CREB3L3: variants seen among roughly 807,000 people sequenced by gnomAD.
CREB3L3 encodes cAMP responsive element binding protein 3 like 3, also known as cyclic AMP-responsive element-binding protein 3-like protein 3.
In CREB3L3, 40 loss-of-function variants were observed where a neutral mutation model predicts 44.6. That is an observed-to-expected ratio of 0.90 (90% CI 0.70 to 1.17). CREB3L3 has a LOEUF of 1.17. Among genes scored for constraint, CREB3L3 ranks in the 50% most tolerant of loss-of-function variants. CREB3L3 has a pLI of 0.00. For missense variants in CREB3L3, 578 were observed against 595.8 expected (o/e 0.97, Z 0.31); for synonymous variants, 273 against 256.3 (o/e 1.06, Z -0.62).
chr19:4,157,251 G>A lies in CREB3L3; in HGVS notation c.413G>A (p.Gly138Glu), dbSNP rs763580275. Residue 138 changes from glycine to glutamate, a missense_variant, in exon 3 of 10, where the codon GGG becomes GAG. Transcript: ENST00000078445. ...PGNSCSTTTP[G>E]PVIQVPEASV... ...AACTCTTGCTCCACCACAACCCCAG[G>A]GCCAGTGATCCAAGTACCTGAAGCC... is the stretch of plus-strand genomic sequence containing the variant. 2 of 1,614,100 alleles carry A rather than the reference G, an allele frequency of 1.2e-6. No individual in the cohort carries two copies. Among genetic ancestry groups the A allele is most frequent in the Non-Finnish European group, 1.7e-6 (2 of 1,180,020 alleles).
chr19:4,166,421 AT>A (rs35783380), intron 5 of CREB3L3, among the ~76,000 whole-genome samples: 39,711 of 103,580 alleles, frequency 0.38, 6,897 homozygotes, highest in East Asian at 0.64. Context: ...CGCCTGGCTA[AT>A]TTTTTTTTTT....
chr19:4,160,072 G>A (rs1286598272), intron 4 of CREB3L3, among the ~76,000 whole-genome samples: 3 of 152,078 alleles, frequency 2.0e-5, no homozygotes, highest in African/African-American at 7.2e-5. Context: ...AAGGCAGGCA[G>A]ATCGCTTGAG....
chr19:4,163,221 T>C (rs1405026161), intron 4 of CREB3L3, among the ~76,000 whole-genome samples: 1 of 151,296 alleles, frequency 6.6e-6, no homozygotes, highest in Non-Finnish European at 1.5e-5. Context: ...GGCAGGAGAA[T>C]GGCGTGAACC....
In CREB3L3 at chr19:4,168,417, A is replaced by C. The variant is rs199957162; in HGVS notation, c.781A>C (p.Arg261=). Residue 261 remains arginine (R), a synonymous_variant, in exon 6 of 10, where the codon AGG becomes CGG. Transcript: ENST00000078445. ...IRNKQSAQES[R]KKKKEYIDGL... is the part of the protein sequence containing the mutation. ...GAACAAGCAGTCGGCGCAAGAAAGC[A>C]GGAAGAAGAAGAAGGAATATATCGA... 1.4e-5 allele frequency: 22 copies of C among 1,611,276 alleles called. No homozygotes were observed. The Admixed American group carries it at 3.7e-4, about 27-fold the overall frequency.
intron 4 of CREB3L3, among the ~76,000 whole-genome samples, chr19:4,161,551 T>C (rs746933166): frequency 1.3e-5 from 2 of 152,194 alleles, no homozygotes; most frequent in Non-Finnish European, 2.9e-5. Context: ...TGCACACCAA[T>C]TGAAGGCCAT....
intron 4 of CREB3L3, among the ~76,000 whole-genome samples, chr19:4,161,580 C>T (rs2041663292): frequency 6.6e-6 from 1 of 152,152 alleles, no homozygotes; most frequent in African/African-American, 2.4e-5. Context: ...CCAAGGGCTT[C>T]ACGCTCCCAT....
intron 5 of CREB3L3, among the ~76,000 whole-genome samples, chr19:4,167,968 A>AT (rs1450131763): frequency 8.9e-6 from 1 of 112,000 alleles, no homozygotes; most frequent in African/African-American, 3.6e-5. Context: ...TTTTAATTTT[A>AT]ATTATTTTAT....
chr19:4,163,211 G>A (rs2041681532), intron 4 of CREB3L3, among the ~76,000 whole-genome samples: 1 of 151,704 alleles, frequency 6.6e-6, no homozygotes, highest in Non-Finnish European at 1.5e-5. Flanking sequence ...AGGAGGCTGA[G>A]GCAGGAGAAT....
At position 4,164,664 on chromosome 19, in the gene CREB3L3, C is replaced by T. The variant is rs201263875; in HGVS notation, c.714+24C>T. 3.5e-5 allele frequency: 56 copies of T among 1,613,670 alleles called. No homozygotes were observed. In the African/African-American group the frequency reaches 6.0e-4, roughly 17 times the overall value. ...AGGTGAGTCTGGGGGGACTTCCAGC[C>T]CTGGATCCATCTCCCCTTCGTGCAC... On this transcript the variant is annotated intron_variant, in intron 5 of 9. Transcript: ENST00000078445.
chr19:4,166,696 C>T (rs1461948895), intron 5 of CREB3L3, among the ~76,000 whole-genome samples: 1 of 151,322 alleles, frequency 6.6e-6, no homozygotes, highest in Non-Finnish European at 1.5e-5. Flanking sequence ...GTGCCTGGCC[C>T]CATCTGTTTC....
At chr19:4,160,371 T>C (rs2041642717) in intron 4 of CREB3L3, among the ~76,000 whole-genome samples, 1 of 151,868 alleles carries the variant, frequency 6.6e-6, no homozygotes, top group African/African-American at 2.4e-5. Flanking sequence ...TTATTTATCA[T>C]CTTAAAAAAG....
chr19:4,170,219 G>A lies in CREB3L3; in HGVS notation c.890+11G>A. 1 of 1,613,984 alleles carries A rather than the reference G, an allele frequency of 6.2e-7. No individual in the cohort carries two copies. The highest frequency in any genetic ancestry group is 8.5e-7 in the Non-Finnish European group (1 of 1,179,946). On this transcript the variant is annotated intron_variant, in intron 7 of 9. Coordinates refer to ENST00000078445, the MANE Select transcript of CREB3L3 (RefSeq NM_032607.3). Reference sequence around the variant, plus strand: ...CGAGAAGCAAAACCTGTGAGTCTGGGTCCAGCTGGGGCAGAGGACAGGGGA... The same window carrying A: ...CGAGAAGCAAAACCTGTGAGTCTGGATCCAGCTGGGGCAGAGGACAGGGGA...
chr19:4,157,138 C>A lies in CREB3L3; in HGVS notation c.300C>A (p.Thr100=). Residue 100 remains threonine (T), a synonymous_variant, in exon 3 of 10, where the codon ACC becomes ACA. Coordinates refer to ENST00000078445, the MANE Select transcript of CREB3L3 (RefSeq NM_032607.3). ...SEDLPSDPQD[T]PPRSGPATSP... is the part of the protein sequence containing the mutation. ...ACCTCCCCTCCGACCCCCAGGACACCCCTCCACGCAGCGGACCAGCCACCT... is the reference window on the plus strand; with the variant it reads ...ACCTCCCCTCCGACCCCCAGGACACACCTCCACGCAGCGGACCAGCCACCT... The A allele has an allele frequency of 6.2e-7, 1 of 1,614,038 alleles. No individual in the cohort carries two copies. Among genetic ancestry groups the A allele is most frequent in the South Asian group, 1.1e-5 (1 of 91,080 alleles).
At chr19:4,168,602 T>C in intron 6 of CREB3L3, 145 bp downstream of exon 6, 1 of 687,140 alleles carries the variant, frequency 1.5e-6, no homozygotes. Context: ...TTCTTACTGA[T>C]TGCAGGGATG....
rs923123816 is a variant in CREB3L3 at position 4,158,598 on chromosome 19, G to A, written c.458-1066G>A. ...GAGCGGATCACGAGGTCAAGAGATC[G>A]AGACCATCCTGGCCAACATGGTGAA... On this transcript the variant is annotated intron_variant, in intron 3 of 9. Transcript: ENST00000078445. Among the ~76,000 whole-genome samples the A allele has an allele frequency of 3.3e-5, 5 of 151,286 alleles. No homozygotes were observed. In the South Asian group the frequency reaches 1.0e-3, roughly 32 times the overall value.
At chr19:4,170,357 C>T in intron 7 of CREB3L3, 149 bp downstream of exon 7, 1 of 779,578 alleles carries the variant, frequency 1.3e-6, no homozygotes, top group South Asian at 1.5e-5. Flanking sequence ...CGCCTGTAAT[C>T]TCAGCACTTT....
intron 3 of CREB3L3, among the ~76,000 whole-genome samples, chr19:4,158,890 A>G (rs544910384): frequency 6.6e-6 from 1 of 152,190 alleles, no homozygotes; most frequent in South Asian, 2.1e-4. Context: ...ATTAGAACCA[A>G]GGGTTACCTG....
At chr19:4,164,462 C>T (rs1427744434) in intron 4 of CREB3L3, 41 bp from the exon 5 acceptor site, 9 of 1,612,148 alleles carry the variant, frequency 5.6e-6, no homozygotes, top group East Asian at 2.2e-5. Flanking sequence ...AGGCAGTTGG[C>T]GTCCCTGCAC....
At chr19:4,157,570 C>T (rs534784294) in intron 3 of CREB3L3, among the ~76,000 whole-genome samples, 18 of 152,342 alleles carry the variant, frequency 1.2e-4, no homozygotes, top group Admixed American at 3.3e-4. Context: ...GATGCAACCC[C>T]GGCAGGTGGC....
Sources: gnomAD v4.1 joint callset for allele counts (sites outside exome capture counted in the v4.1 genomes callset) on GRCh38, gnomAD v4.1.1 for gene constraint, MANE v1.5 for transcripts, NCBI Gene and HGNC (gene_info 2026-07-23, HGNC 2026-07-21) for gene names.